CARMIL1: variants seen among roughly 807,000 people sequenced by gnomAD.
CARMIL1 encodes capping protein regulator and myosin 1 linker 1, also known as F-actin-uncapping protein LRRC16A.
In CARMIL1, 90 loss-of-function variants were observed where a neutral mutation model predicts 177.1. That is an observed-to-expected ratio of 0.51 (90% confidence interval 0.43 to 0.61). The LOEUF (loss-of-function observed/expected upper bound fraction) is 0.61, where lower values mean the gene tolerates loss of function less well. CARMIL1 is among the 20% of genes least tolerant of loss of function. CARMIL1 has a pLI of 0.00. For missense variants in CARMIL1, 1,380 were observed against 1,667.0 expected (o/e 0.83, Z 3.00); for synonymous variants, 577 against 606.2 (o/e 0.95, Z 0.71).
intron 15 of CARMIL1, among the ~76,000 whole-genome samples, chr6:25,492,259 C>G (rs1185731008): frequency 4.6e-5 from 7 of 152,154 alleles, no homozygotes; most frequent in Non-Finnish European, 1.0e-4. Flanking sequence ...TGTGATAATA[C>G]ACTATTTCTC....
intron 5 of CARMIL1, 89 bp downstream of exon 5, chr6:25,435,693 A>G: frequency 7.3e-7 from 1 of 1,369,338 alleles, no homozygotes; most frequent in Non-Finnish European, 9.7e-7. Flanking sequence ...TTACCCCTTC[A>G]CTTAGTTCCT....
At chr6:25,383,368 T>C (rs1428507485) in intron 2 of CARMIL1, among the ~76,000 whole-genome samples, 2 of 152,190 alleles carry the variant, frequency 1.3e-5, no homozygotes. Context: ...TAATATATTT[T>C]AAAGATACAA....
chr6:25,394,277 A>G (rs1287904565), intron 2 of CARMIL1, among the ~76,000 whole-genome samples: 1 of 152,214 alleles, frequency 6.6e-6, no homozygotes, highest in Non-Finnish European at 1.5e-5. Context: ...AGCCAGCACA[A>G]AGCAGCACAC....
chr6:25,619,082 G>A (rs1314035199), intron 36 of CARMIL1, among the ~76,000 whole-genome samples: 2 of 152,164 alleles, frequency 1.3e-5, no homozygotes, highest in Non-Finnish European at 2.9e-5. Context: ...GGGCAGCTAT[G>A]ACTGAGGAGG....
At chr6:25,587,020 G>GAGAGGT (rs1363112048) in intron 31 of CARMIL1, among the ~76,000 whole-genome samples, 1 of 140,520 alleles carries the variant, frequency 7.1e-6, no homozygotes, top group Non-Finnish European at 1.5e-5. Context: ...GAGGGAGAGG[G>GAGAGGT]AGAGGGAGAC....
chr6:25,373,940 A>C (rs1461308664), intron 2 of CARMIL1, among the ~76,000 whole-genome samples: 1 of 152,166 alleles, frequency 6.6e-6, no homozygotes, highest in Non-Finnish European at 1.5e-5. Context: ...CTAGCTAATC[A>C]TCTATCGATT....
Position 25,554,574 on chromosome 6 carries a change from C to A in CARMIL1, c.2592+478C>A, listed in dbSNP as rs1387079991. ...GCCCCACAGGTGCCTTGGATATAACCAAGGTAAAAAAAAAATTTCTTCATC... is the reference window on the plus strand; with the variant it reads ...GCCCCACAGGTGCCTTGGATATAACAAAGGTAAAAAAAAAATTTCTTCATC... On this transcript the variant is annotated intron_variant, in intron 28 of 36. Coordinates refer to ENST00000329474, the MANE Select transcript of CARMIL1 (RefSeq NM_017640.6). The surrounding 1 kb of genome is among the most constrained non-coding windows in gnomAD (Gnocchi z 4.6). Among the ~76,000 whole-genome samples the A allele has an allele frequency of 6.6e-6, 1 of 151,740 alleles. No individual in the cohort carries two copies. The highest frequency in any genetic ancestry group is 1.5e-5 in the Non-Finnish European group (1 of 67,960).
chr6:25,307,855 T>G (rs1385012676), intron 2 of CARMIL1, among the ~76,000 whole-genome samples: 1 of 151,886 alleles, frequency 6.6e-6, no homozygotes, highest in Non-Finnish European at 1.5e-5. Flanking sequence ...GAGGGATAGC[T>G]AAAAGATGGG....
At chr6:25,369,913 C>A (rs986001927) in intron 2 of CARMIL1, 7 of 152,206 alleles carry the variant, frequency 4.6e-5, no homozygotes, top group Non-Finnish European at 1.0e-4. Flanking sequence ...GGTTGCAGTC[C>A]AGGTTTTTCT....
intron 2 of CARMIL1, among the ~76,000 whole-genome samples, chr6:25,317,329 G>A (rs939925807): frequency 6.6e-6 from 1 of 151,812 alleles, no homozygotes; most frequent in African/African-American, 2.4e-5. Context: ...TAAAGATGAG[G>A]TCTCCCTATG....
At chr6:25,496,797 C>T (rs1803774517) in intron 16 of CARMIL1, among the ~76,000 whole-genome samples, 1 of 152,168 alleles carries the variant, frequency 6.6e-6, no homozygotes, top group Non-Finnish European at 1.5e-5. Flanking sequence ...AATATATCAG[C>T]AGGAAATTAG....
At chr6:25,449,827 G>C in intron 5 of CARMIL1, 71 bp from the exon 6 acceptor site, 1 of 848,244 alleles carries the variant, frequency 1.2e-6, no homozygotes, top group Non-Finnish European at 1.8e-6. Flanking sequence ...AAAGGAATGT[G>C]ACAAAATTTA....
At chr6:25,488,885 G>A (rs906492504) in intron 13 of CARMIL1, among the ~76,000 whole-genome samples, 1 of 152,014 alleles carries the variant, frequency 6.6e-6, no homozygotes, top group African/African-American at 2.4e-5. Context: ...AGCTTACAGG[G>A]ACCAGGCATG....
intron 2 of CARMIL1, among the ~76,000 whole-genome samples, chr6:25,302,608 C>T (rs1299120581): frequency 8.5e-5 from 13 of 152,188 alleles, no homozygotes; most frequent in African/African-American, 3.1e-4. Context: ...AAATTTTAAG[C>T]CCGAGCTGCT....
intron 2 of CARMIL1, among the ~76,000 whole-genome samples, chr6:25,301,944 C>T (rs1051752637): frequency 6.6e-6 from 1 of 151,918 alleles, no homozygotes; most frequent in Non-Finnish European, 1.5e-5. Flanking sequence ...TGTTGCTTTG[C>T]CTCCAATAAC....
intron 2 of CARMIL1, among the ~76,000 whole-genome samples, chr6:25,302,146 C>T (rs1476299485): frequency 1.3e-5 from 2 of 151,972 alleles, no homozygotes; most frequent in African/African-American, 4.8e-5. Flanking sequence ...CGGCACTGAC[C>T]CTATCCAGTT....
intron 22 of CARMIL1, 75 bp downstream of exon 22, chr6:25,517,490 T>TA: frequency 8.7e-7 from 1 of 1,145,720 alleles, no homozygotes; most frequent in Non-Finnish European, 1.3e-6. Context: ...ACCTGTTGGG[T>TA]AATAGAATCA....
At chr6:25,377,504 C>A (rs1252736272) in intron 2 of CARMIL1, among the ~76,000 whole-genome samples, 1 of 152,172 alleles carries the variant, frequency 6.6e-6, no homozygotes, top group Non-Finnish European at 1.5e-5. Context: ...TGCCACACTC[C>A]AGGGTGGTGC....
intron 4 of CARMIL1, among the ~76,000 whole-genome samples, chr6:25,429,083 T>C (rs1404235076): frequency 6.6e-6 from 1 of 152,204 alleles, no homozygotes; most frequent in Non-Finnish European, 1.5e-5. Context: ...CATATTTTGC[T>C]GGGTATGCCA....
Sources: gnomAD v4.1 joint callset for allele counts (sites outside exome capture counted in the v4.1 genomes callset) on GRCh38, gnomAD v4.1.1 for gene constraint, Gnocchi (gnomAD v3.1) non-coding constraint, MANE v1.5 for transcripts, NCBI Gene and HGNC (gene_info 2026-07-23, HGNC 2026-07-21) for gene names.